TNFSF4: variants seen among roughly 807,000 people sequenced by gnomAD.
TNFSF4 encodes tumor necrosis factor ligand superfamily member 4.
A neutral mutation model predicts 7.3 loss-of-function variants in TNFSF4; 4 were observed. That is an observed-to-expected ratio of 0.55 (90% CI 0.27 to 1.25). The LOEUF (loss-of-function observed/expected upper bound fraction) is 1.25, where lower values mean the gene tolerates loss of function less well. Ranked by LOEUF, TNFSF4 falls within the 50% of genes most tolerant of loss-of-function variation. The pLI is 0.12. For synonymous variants in TNFSF4, 76 were observed against 83.7 expected, an observed-to-expected ratio of 0.91 and a Z score of 0.50; for missense variants, 181 against 208.8, an observed-to-expected ratio of 0.87 and a Z score of 0.82.
the TNFSF4 span, among the ~76,000 whole-genome samples, chr1:173,409,843 C>A: frequency 6.6e-6 from 1 of 152,236 alleles, no homozygotes. Context: ...CGCAGCTCTC[C>A]ATGCTTCCTG....
At chr1:173,243,994 C>T in the TNFSF4 span, among the ~76,000 whole-genome samples, 1 of 152,186 alleles carries the variant, frequency 6.6e-6, no homozygotes, top group Non-Finnish European at 1.5e-5. Context: ...CTTGCAATTT[C>T]CAAGTTCACT....
At chr1:173,178,714 G>T in the TNFSF4 span, among the ~76,000 whole-genome samples, 1 of 152,030 alleles carries the variant, frequency 6.6e-6, no homozygotes, top group Admixed American at 6.6e-5. Flanking sequence ...TTTCCGGTAG[G>T]TTGAATAATG....
the TNFSF4 span, among the ~76,000 whole-genome samples, chr1:173,250,521 G>A: frequency 4.6e-5 from 7 of 150,736 alleles, no homozygotes; most frequent in East Asian, 1.9e-4. Context: ...GTGCAGTGGC[G>A]CCATCTTGGC....
chr1:173,247,133 G>C, the TNFSF4 span, among the ~76,000 whole-genome samples: 3 of 152,166 alleles, frequency 2.0e-5, no homozygotes, highest in Non-Finnish European at 1.5e-5. Context: ...CCTACTCAGG[G>C]ATGGGTGCCC....
the TNFSF4 span, among the ~76,000 whole-genome samples, chr1:173,404,342 T>C: frequency 6.6e-6 from 1 of 152,170 alleles, no homozygotes; most frequent in Non-Finnish European, 1.5e-5. Context: ...AGGACCCCCA[T>C]GGAATTACCC....
At chr1:173,426,886 G>A in the TNFSF4 span, among the ~76,000 whole-genome samples, 6 of 151,908 alleles carry the variant, frequency 3.9e-5, no homozygotes, top group Non-Finnish European at 5.9e-5. Context: ...GAGCCACTGC[G>A]CACAGCTCCC....
chr1:173,415,108 G>C, the TNFSF4 span, among the ~76,000 whole-genome samples: 1 of 152,192 alleles, frequency 6.6e-6, no homozygotes, highest in Admixed American at 6.5e-5. Flanking sequence ...TGATGTATTT[G>C]GGTTTCAATC....
At chr1:173,287,740 C>T in the TNFSF4 span, among the ~76,000 whole-genome samples, 1 of 152,116 alleles carries the variant, frequency 6.6e-6, no homozygotes, top group African/African-American at 2.4e-5. Flanking sequence ...TAAAAAAACT[C>T]TACTGATACA....
the TNFSF4 span, among the ~76,000 whole-genome samples, chr1:173,418,808 A>AT: frequency 2.0e-5 from 3 of 152,110 alleles, no homozygotes; most frequent in Non-Finnish European, 4.4e-5. Flanking sequence ...GTAAACAGAG[A>AT]TCCCAACATG....
the TNFSF4 span, among the ~76,000 whole-genome samples, chr1:173,321,335 G>C: frequency 2.0e-5 from 3 of 152,110 alleles, no homozygotes; most frequent in Non-Finnish European, 4.4e-5. Context: ...ATTCAATATG[G>C]ATTAAAGACT....
chr1:173,375,111 G>A, the TNFSF4 span, among the ~76,000 whole-genome samples: 10 of 152,168 alleles, frequency 6.6e-5, no homozygotes, highest in African/African-American at 2.4e-4. Flanking sequence ...TAGGTCCTGT[G>A]ACAGCCATCT....
At chr1:173,200,102 T>A (rs1281771644) in intron 1 of TNFSF4, among the ~76,000 whole-genome samples, 1 of 152,198 alleles carries the variant, frequency 6.6e-6, no homozygotes, top group Admixed American at 6.5e-5. Flanking sequence ...CTTCCTCCAA[T>A]TTTTCTTCAA....
the TNFSF4 span, among the ~76,000 whole-genome samples, chr1:173,270,833 A>C: frequency 6.6e-6 from 1 of 152,156 alleles, no homozygotes; most frequent in Non-Finnish European, 1.5e-5. Context: ...ATGAGGTGGC[A>C]CTAGAGTCAT....
chr1:173,250,377 C>G, the TNFSF4 span, among the ~76,000 whole-genome samples: 1 of 151,680 alleles, frequency 6.6e-6, no homozygotes, highest in African/African-American at 2.4e-5. Context: ...GGTTAAGAGA[C>G]AGAAAATCAT....
At chr1:173,260,102 T>C in the TNFSF4 span, among the ~76,000 whole-genome samples, 1 of 151,946 alleles carries the variant, frequency 6.6e-6, no homozygotes, top group Non-Finnish European at 1.5e-5. Context: ...AAAGGACAGG[T>C]CACCTACAAA....
chr1:173,236,483 A>T, the TNFSF4 span, among the ~76,000 whole-genome samples: 1 of 152,106 alleles, frequency 6.6e-6, no homozygotes, highest in Non-Finnish European at 1.5e-5. Flanking sequence ...AAGAGTTAGA[A>T]AAAAAGATGT....
At position 173,186,501 on chromosome 1, in the gene TNFSF4, A is replaced by G. The variant is rs1363705158; in HGVS notation, c.*15T>C. The G allele has an allele frequency of 6.3e-7, 1 of 1,590,836 alleles. No individual in the cohort carries two copies. Among genetic ancestry groups the G allele is most frequent in the East Asian group, 2.2e-5 (1 of 44,666 alleles). ...TTCATGCTGGTGCCTGGTTTTAGAT[A>G]TTGCCATCAGCCCCTCAAAGGACAC... On this transcript the variant is annotated 3_prime_UTR_variant, in exon 3 of 3. Coordinates refer to ENST00000281834, the MANE Select transcript of TNFSF4 (RefSeq NM_003326.5).
At chr1:173,279,942 T>G in the TNFSF4 span, among the ~76,000 whole-genome samples, 1 of 152,248 alleles carries the variant, frequency 6.6e-6, no homozygotes, top group African/African-American at 2.4e-5. Flanking sequence ...TGTTTTCCAT[T>G]GTCTGTGAGG....
chr1:173,279,804 T>G, the TNFSF4 span, among the ~76,000 whole-genome samples: 1 of 152,016 alleles, frequency 6.6e-6, no homozygotes, highest in Non-Finnish European at 1.5e-5. Context: ...TTTCCCGGAG[T>G]CTTCTTTGTA....
Sources: gnomAD v4.1 joint callset for allele counts (sites outside exome capture counted in the v4.1 genomes callset) on GRCh38, gnomAD v4.1.1 for gene constraint, MANE v1.5 for transcripts, NCBI Gene and HGNC (gene_info 2026-07-23, HGNC 2026-07-21) for gene names.